PCDH15: variants seen among roughly 807,000 people sequenced by gnomAD.
PCDH15 encodes protocadherin related 15, also known as protocadherin-15.
In PCDH15, 129 loss-of-function variants were observed where a neutral mutation model predicts 178.5. That is an observed-to-expected ratio of 0.72 (90% CI 0.63 to 0.84). PCDH15 has a LOEUF of 0.84. Ranked by LOEUF, PCDH15 falls within the 40% of genes least tolerant of loss-of-function variation. PCDH15 has a pLI of 0.00. For missense variants in PCDH15, 2,230 were observed against 2,099.9 expected (o/e 1.06, Z -1.21); for synonymous variants, 800 against 732.0 (o/e 1.09, Z -1.50).
intron 13 of PCDH15, among the ~76,000 whole-genome samples, chr10:54,171,161 C>T (rs578195393): frequency 4.6e-5 from 7 of 152,142 alleles, no homozygotes; most frequent in South Asian, 2.1e-4. Context: ...AGTCTGATAA[C>T]GGACGAGCCT....
chr10:55,101,481 C>T (rs1936463), intron 2 of PCDH15, among the ~76,000 whole-genome samples: 48,729 of 151,324 alleles, frequency 0.32, 8,351 homozygotes, highest in African/African-American at 0.44. Context: ...AGACAACAGC[C>T]TCCAGCAAAT....
In PCDH15 at chr10:55,609,013, TATACAC is replaced by T. The variant is rs1488430176; in HGVS notation, c.-156+18606_-156+18611del. ...GGACTATACATATATGTTATATATA[TATACAC>T]ACACACACACACACACACACACACA... On this transcript the variant is annotated intron_variant, in intron 2 of 5. Transcript: ENST00000613346. Among the ~76,000 whole-genome samples, 1,011 of 146,670 alleles carry T rather than the reference TATACAC, an allele frequency of 6.9e-3. 7 individuals are homozygous for T. Among genetic ancestry groups the T allele is most frequent in the African/African-American group, 0.022 (878 of 39,366 alleles).
At chr10:54,443,249 T>C (rs771689768) in intron 3 of PCDH15, among the ~76,000 whole-genome samples, 1 of 151,648 alleles carries the variant, frequency 6.6e-6, no homozygotes, top group Non-Finnish European at 1.5e-5. Flanking sequence ...CTATATTAAA[T>C]ATCTTTTTAC....
intron 2 of PCDH15, among the ~76,000 whole-genome samples, chr10:55,477,187 G>A (rs917619924): frequency 2.0e-5 from 3 of 151,790 alleles, no homozygotes; most frequent in African/African-American, 7.3e-5. Context: ...TCATTTTTGG[G>A]CATGAATATC....
intron 2 of PCDH15, among the ~76,000 whole-genome samples, chr10:55,431,104 T>C (rs987825107): frequency 1.2e-4 from 18 of 152,162 alleles, no homozygotes; most frequent in African/African-American, 4.3e-4. Flanking sequence ...AAAGAGTCAA[T>C]TTGGTGAGAA....
At chr10:54,503,461 A>T (rs1264104489) in intron 3 of PCDH15, among the ~76,000 whole-genome samples, 1 of 151,286 alleles carries the variant, frequency 6.6e-6, no homozygotes, top group Admixed American at 6.6e-5. Context: ...GACCAAGTGA[A>T]CATAAGTGGG....
chr10:53,810,907 C>G (rs147429517), intron 36 of PCDH15, among the ~76,000 whole-genome samples: 40 of 152,240 alleles, frequency 2.6e-4, no homozygotes, highest in African/African-American at 9.2e-4. Context: ...ATTTCAGATA[C>G]TCGTTTTTGG....
chr10:55,547,581 T>TAA (rs59400337), intron 2 of PCDH15, among the ~76,000 whole-genome samples: 54 of 151,558 alleles, frequency 3.6e-4, no homozygotes, highest in African/African-American at 1.3e-3. Flanking sequence ...ATGGCTAAAG[T>TAA]AAAAAAAACA....
chr10:55,593,990 A>T (rs1842894428), intron 2 of PCDH15, among the ~76,000 whole-genome samples: 1 of 151,912 alleles, frequency 6.6e-6, no homozygotes, highest in African/African-American at 2.4e-5. Context: ...AGACATGAGG[A>T]CTACATACAT....
At chr10:54,982,096 A>G (rs1406786352) in intron 2 of PCDH15, among the ~76,000 whole-genome samples, 3 of 152,074 alleles carry the variant, frequency 2.0e-5, no homozygotes, top group Admixed American at 6.6e-5. Flanking sequence ...TTTACAGATG[A>G]TCTTATCCTT....
intron 1 of PCDH15, among the ~76,000 whole-genome samples, chr10:54,735,194 TC>T (rs1316273115): frequency 6.6e-6 from 1 of 152,068 alleles, no homozygotes; most frequent in African/African-American, 2.4e-5. Context: ...AAAGATAGTC[TC>T]AAAAGTATAT....
At chr10:54,309,343 ACAC>A in intron 8 of PCDH15, among the ~76,000 whole-genome samples, 1 of 151,668 alleles carries the variant, frequency 6.6e-6, no homozygotes, top group Admixed American at 6.6e-5. Flanking sequence ...ACACACACAC[ACAC>A]ACACACACAC....
At chr10:54,235,076 C>G (rs1164693090) in intron 9 of PCDH15, among the ~76,000 whole-genome samples, 1 of 152,118 alleles carries the variant, frequency 6.6e-6, no homozygotes, top group Non-Finnish European at 1.5e-5. Flanking sequence ...GAGATATCAA[C>G]GAGAATAACT....
At chr10:55,549,747 A>G in intron 2 of PCDH15, among the ~76,000 whole-genome samples, 1 of 152,158 alleles carries the variant, frequency 6.6e-6, no homozygotes, top group East Asian at 1.9e-4. Flanking sequence ...CTCTAAACAG[A>G]TTGAGTAGGG....
chr10:54,499,766 AG>A (rs1471912200), intron 3 of PCDH15, among the ~76,000 whole-genome samples: 1 of 152,178 alleles, frequency 6.6e-6, no homozygotes, highest in Non-Finnish European at 1.5e-5. Flanking sequence ...AAGAGGAAGT[AG>A]GAAAAAAAGA....
At chr10:54,178,054 C>T (rs764624467) in intron 13 of PCDH15, among the ~76,000 whole-genome samples, 2 of 151,944 alleles carry the variant, frequency 1.3e-5, no homozygotes, top group Non-Finnish European at 2.9e-5. Flanking sequence ...ATTTGAAGAA[C>T]GTTAATTTTT....
intron 17 of PCDH15, among the ~76,000 whole-genome samples, chr10:54,069,432 T>G (rs2094198478): frequency 6.6e-6 from 1 of 152,182 alleles, no homozygotes. Flanking sequence ...TTTGTGCTAA[T>G]AGGGGATGAT....
intron 13 of PCDH15, among the ~76,000 whole-genome samples, chr10:54,171,432 C>T (rs949280748): frequency 6.6e-6 from 1 of 152,112 alleles, no homozygotes; most frequent in African/African-American, 2.4e-5. Context: ...TTTTATTAAG[C>T]CCCAGTCTCA....
intron 3 of PCDH15, among the ~76,000 whole-genome samples, chr10:54,382,328 A>G (rs1284655396): frequency 6.6e-6 from 1 of 152,160 alleles, no homozygotes; most frequent in African/African-American, 2.4e-5. Flanking sequence ...AGATTAACAT[A>G]TTAAATTACA....
Sources: allele counts gnomAD v4.1 joint callset (sites outside exome capture counted in the v4.1 genomes callset), GRCh38; gene constraint gnomAD v4.1.1; transcripts MANE v1.5; gene names NCBI Gene and HGNC (gene_info 2026-07-23, HGNC 2026-07-21).